The following LMBR1L variants were observed in gnomAD, a reference collection of about 807,000 sequenced individuals.
The protein encoded by LMBR1L is protein LMBR1L.
In LMBR1L, 47 loss-of-function variants were observed where a neutral mutation model predicts 67.3. The ratio of observed to expected loss-of-function variants is 0.70; its 90% CI spans 0.55 to 0.89. LMBR1L has a LOEUF of 0.89. LMBR1L is among the 40% of genes least tolerant of loss of function. The probability of loss-of-function intolerance (pLI) is 0.00; values close to 1 mark genes in which losing one functional copy is unlikely to be tolerated. For missense variants in LMBR1L, 533 were observed against 599.2 expected (o/e 0.89, Z 1.15); for synonymous variants, 247 against 250.3 (o/e 0.99, Z 0.13).
chr12:49,105,827 T>A, intron 3 of LMBR1L, 97 bp downstream of exon 3: 5 of 976,990 alleles, frequency 5.1e-6, no homozygotes, highest in Non-Finnish European at 4.7e-6. Flanking sequence ...CTCTCTTCAC[T>A]GTGTGAGACT....
chr12:49,098,112 C>T lies in LMBR1L; in HGVS notation c.1241-7G>A. Reference sequence around the variant, plus strand: ...AGGTCAAAGCGAGTGAGCCCTGAAGCACAAAGGCCAGGATGAGAGGTGGGC... The same window carrying T: ...AGGTCAAAGCGAGTGAGCCCTGAAGTACAAAGGCCAGGATGAGAGGTGGGC... On this transcript the variant is annotated splice_polypyrimidine_tract_variant and splice_region_variant and intron_variant, in intron 15 of 16. Transcript: ENST00000267102. 2 of 1,610,386 alleles carry T rather than the reference C, an allele frequency of 1.2e-6. No homozygotes were observed. Among genetic ancestry groups the T allele is most frequent in the Non-Finnish European group, 1.7e-6 (2 of 1,177,240 alleles).
chr12:49,100,503 A>C (rs778366312), intron 14 of LMBR1L, 49 bp from the exon 15 acceptor site: 1 of 1,605,808 alleles, frequency 6.2e-7, no homozygotes, highest in East Asian at 2.2e-5. Flanking sequence ...AGCTGCAGGC[A>C]CCTAGTGCCC....
chr12:49,106,423 G>A (rs956149565), intron 2 of LMBR1L: 2 of 458,386 alleles, frequency 4.4e-6, no homozygotes, highest in African/African-American at 4.0e-5. Context: ...CTAAGAGGAG[G>A]AAAGGCTGGA....
At chr12:49,106,053 C>A (rs1592222050) in intron 2 of LMBR1L, 96 bp from the exon 3 acceptor site, 1 of 1,043,282 alleles carries the variant, frequency 9.6e-7, no homozygotes, top group East Asian at 2.4e-5. Flanking sequence ...CCCATCCCTG[C>A]CCCCTCAAAG....
chr12:49,110,558 TCTGCTCAGCATGA>T lies in LMBR1L; in HGVS notation c.-16_-4del. 1 of 1,613,886 alleles carries T rather than the reference TCTGCTCAGCATGA, an allele frequency of 6.2e-7. No homozygotes were observed. Among genetic ancestry groups the T allele is most frequent in the Non-Finnish European group, 8.5e-7 (1 of 1,179,806 alleles). On this transcript the variant is annotated 5_prime_UTR_variant, in exon 1 of 17. It removes an upstream start codon present in the reference 5' UTR. Coordinates refer to ENST00000267102, the MANE Select transcript of LMBR1L (RefSeq NM_018113.4). ...ACTTCGTAGTCAGGTGCTTCCATAC[TCTGCTCAGCATGA>T]CTGAAGCCGAGGTGCCTCTGGGCCC... is the stretch of plus-strand genomic sequence containing the variant.
At chr12:49,098,976 C>A (rs916627973) in intron 15 of LMBR1L, among the ~76,000 whole-genome samples, 1 of 150,022 alleles carries the variant, frequency 6.7e-6, no homozygotes, top group Non-Finnish European at 1.5e-5. Flanking sequence ...TAATTAAAAA[C>A]ACTTTTTTTT....
rs951022187 is a variant in LMBR1L, at chr12:49,100,314, T to C, written c.1240+74A>G. On this transcript the variant is annotated intron_variant, in intron 15 of 16. Transcript: ENST00000267102. ...TTGTGGGAATTAGAGAAATTATGTA[T>C]ATAAAGTGCCTGCTTTGCATCAGTA... 10 of 1,132,916 alleles carry C rather than the reference T, an allele frequency of 8.8e-6. No individual in the cohort carries two copies. In the Middle Eastern group the frequency reaches 5.8e-4, roughly 66 times the overall value. 70.2% of individuals were successfully genotyped at this position (1,132,916 alleles called of 1,614,324 possible).
At chr12:49,101,930 T>C (rs1200404382) in intron 11 of LMBR1L, 190 bp downstream of exon 11, 2 of 602,350 alleles carry the variant, frequency 3.3e-6, no homozygotes, top group African/African-American at 3.7e-5. Flanking sequence ...ACTCTGTCTC[T>C]TCGTCTACAA....
At position 49,103,691 on chromosome 12, in the gene LMBR1L, G is replaced by A; in HGVS notation, c.558C>T (p.Leu186=). Residue 186 remains leucine, a synonymous_variant, in exon 6 of 17, where the codon CTC becomes CTT. Transcript: ENST00000267102. ...GGAGGAAGCTGGGCCGCTCACCATAGAGTGACTCTCTGTTGGCCTTGTTCT... is the reference window on the plus strand; with the variant it reads ...GGAGGAAGCTGGGCCGCTCACCATAAAGTGACTCTCTGTTGGCCTTGTTCT... The part of the protein sequence containing the change: ...VDKNKANRES[L]YDFWEYYLPY... 1.2e-6 allele frequency: 2 copies of A among 1,613,506 alleles called. No homozygotes were observed. Among genetic ancestry groups the A allele is most frequent in the Non-Finnish European group, 1.7e-6 (2 of 1,179,712 alleles).
intron 13 of LMBR1L, 135 bp from the exon 14 acceptor site, chr12:49,100,781 G>T: frequency 1.5e-6 from 1 of 685,994 alleles, no homozygotes. Flanking sequence ...AGGCTGGAGT[G>T]CAGTGGTGCG....
At chr12:49,110,233 A>AGGGGGGGGGGGG in intron 1 of LMBR1L, 1 of 248,856 alleles carries the variant, frequency 4.0e-6, no homozygotes, top group Non-Finnish European at 6.5e-6. Context: ...GAGGGGTGGG[A>AGGGGGGGGGGGG]GGGAGGGGCA....
chr12:49,100,791 G>A (rs954754293), intron 13 of LMBR1L, 145 bp from the exon 14 acceptor site: 5 of 658,492 alleles, frequency 7.6e-6, no homozygotes, highest in East Asian at 2.8e-5. Flanking sequence ...GCAGTGGTGC[G>A]ATTTCAGCTC....
Position 49,104,471 on chromosome 12 carries a change from C to T in LMBR1L, c.412G>A (p.Glu138Lys), listed in dbSNP as rs760894318. 1.2e-6 allele frequency: 2 copies of T among 1,613,370 alleles called. No homozygotes were observed. Among genetic ancestry groups the T allele is most frequent in the South Asian group, 2.2e-5 (2 of 91,074 alleles). ...ACCTTTCTGGAGCCAGCAAAGCCCT[C>T]AGACTCAGTGAAGAAATATGCAAAG... is the stretch of plus-strand genomic sequence containing the variant. The part of the protein sequence containing the change: ...MPFAYFFTES[E>K]GFAGSRKGVL... The change falls in exon 5 of 17, where the codon GAG (glutamate) becomes AAG (lysine). Residue 138 changes from glutamate (E) to lysine (K), a missense_variant. Glu to Lys is a moderately conservative substitution (Grantham distance 56). Around this residue, in one of 3 missense-constraint regions of LMBR1L, gnomAD observed 246 missense variants for 249.0 expected, o/e 0.99. Coordinates refer to ENST00000267102, the MANE Select transcript of LMBR1L (RefSeq NM_018113.4).
chr12:49,106,312 G>T, intron 2 of LMBR1L: 1 of 384,262 alleles, frequency 2.6e-6, no homozygotes, highest in Non-Finnish European at 5.0e-6. Flanking sequence ...TCCAGGAAAG[G>T]GAAAAGAGAG....
intron 16 of LMBR1L, 51 bp downstream of exon 16, chr12:49,097,893 G>C: frequency 6.3e-7 from 1 of 1,594,712 alleles, no homozygotes. Context: ...GTTCCAGAGT[G>C]TCCTAGATGA....
At chr12:49,100,487 T>A (rs892732463) in intron 14 of LMBR1L, 33 bp from the exon 15 acceptor site, 3 of 1,608,304 alleles carry the variant, frequency 1.9e-6, no homozygotes, top group Non-Finnish European at 2.6e-6. Context: ...GAGGTGAGGG[T>A]GGAAGAGCTG....
At chr12:49,110,229 T>TGGGGGGGGG in intron 1 of LMBR1L, 1 of 236,238 alleles carries the variant, frequency 4.2e-6, no homozygotes, top group Non-Finnish European at 6.7e-6. Flanking sequence ...GGGTGAGGGG[T>TGGGGGGGGG]GGGAGGGAGG....
In LMBR1L at chr12:49,103,728, G is replaced by A; in HGVS notation, c.521C>T (p.Ala174Val). 1.2e-6 allele frequency: 2 copies of A among 1,614,016 alleles called. No individual in the cohort carries two copies. The highest frequency in any genetic ancestry group is 1.7e-6 in the Non-Finnish European group (2 of 1,179,982). ...GTTGGCCTTGTTCTTGTCCACAATG[G>A]CTGATGCCACCCACACCATACCTAG... ...LVLGMVWVAS[A>V]IVDKNKANRE... Residue 174 changes from alanine to valine, a missense_variant, in exon 6 of 17, where the codon GCC (alanine) becomes GTC (valine). Ala to Val is a moderately conservative substitution (Grantham distance 64, BLOSUM62 0). This residue lies in a region of LMBR1L where 246 missense variants were observed against 249.0 expected (regional missense o/e 0.99). Coordinates refer to ENST00000267102, the MANE Select transcript of LMBR1L (RefSeq NM_018113.4).
intron 15 of LMBR1L, 72 bp from the exon 16 acceptor site, chr12:49,098,177 G>T: frequency 6.7e-7 from 1 of 1,496,674 alleles, no homozygotes; most frequent in Non-Finnish European, 9.1e-7. Flanking sequence ...ACTTTCTGCT[G>T]CCTCCTGGTG....
Sources: allele counts gnomAD v4.1 joint callset (sites outside exome capture counted in the v4.1 genomes callset), GRCh38; gene constraint gnomAD v4.1.1; regional missense constraint gnomAD v4.1.1; transcripts MANE v1.5; gene names NCBI Gene and HGNC (gene_info 2026-07-23, HGNC 2026-07-21).